Variants in INVS observed in about 807,000 individuals in gnomAD.
INVS encodes inversion of embryo turning homolog.
In INVS, 86 loss-of-function variants were observed where a neutral mutation model predicts 108.8. The observed-to-expected ratio is 0.79, with a 90% CI of 0.66 to 0.95. The LOEUF (loss-of-function observed/expected upper bound fraction) is 0.95. INVS is among the 40% of genes least tolerant of loss of function. The pLI, the probability that INVS is intolerant of heterozygous loss-of-function variation, is 0.00. For synonymous variants in INVS, 455 were observed against 473.5 expected, an observed-to-expected ratio of 0.96 and a Z score of 0.51; for missense variants, 1,169 against 1,297.4, an observed-to-expected ratio of 0.90 and a Z score of 1.52.
chr9:100,207,179 CGT>C (rs1564158450), intron 3 of INVS, among the ~76,000 whole-genome samples: 14 of 152,032 alleles, frequency 9.2e-5, no homozygotes, highest in Admixed American at 3.3e-4. Context: ...ATCCTGGAAC[CGT>C]CCAACCCACT....
chr9:100,288,737 C>A (rs1455360535), intron 13 of INVS, among the ~76,000 whole-genome samples: 1 of 152,076 alleles, frequency 6.6e-6, no homozygotes, highest in African/African-American at 2.4e-5. Context: ...CCCCCCATCT[C>A]AGCCTCCCGG....
chr9:100,288,783 G>A (rs1833526526), intron 13 of INVS, among the ~76,000 whole-genome samples: 1 of 151,968 alleles, frequency 6.6e-6, no homozygotes, highest in African/African-American at 2.4e-5. Flanking sequence ...ACCATGCCTG[G>A]CTAATTTTTT....
At chr9:100,122,292 T>C (rs1827747407) in intron 2 of INVS, among the ~76,000 whole-genome samples, 1 of 152,214 alleles carries the variant, frequency 6.6e-6, no homozygotes, top group South Asian at 2.1e-4. Flanking sequence ...ATTATAATTG[T>C]GTTTTCAAGT....
At chr9:100,178,183 A>C (rs1457000188) in intron 3 of INVS, among the ~76,000 whole-genome samples, 1 of 152,220 alleles carries the variant, frequency 6.6e-6, no homozygotes, top group African/African-American at 2.4e-5. Context: ...AAACCAATGC[A>C]AAAAGCCTGA....
At chr9:100,102,838 CT>C (rs1463203195) in intron 1 of INVS, 2 of 152,252 alleles carry the variant, frequency 1.3e-5, no homozygotes, top group African/African-American at 4.8e-5. Context: ...GATCCCATCT[CT>C]TTAAAAATAG....
intron 2 of INVS, among the ~76,000 whole-genome samples, chr9:100,110,723 CAT>C (rs1253624250): frequency 3.3e-5 from 5 of 152,104 alleles, no homozygotes; most frequent in Admixed American, 3.3e-4. Context: ...TAAGTTGAGA[CAT>C]AACAATATTC....
intron 3 of INVS, among the ~76,000 whole-genome samples, chr9:100,213,388 T>G (rs1211069540): frequency 1.3e-5 from 2 of 152,052 alleles, no homozygotes; most frequent in African/African-American, 4.8e-5. Context: ...TTTTTTTAAT[T>G]AGAGAAAGGG....
At chr9:100,223,398 T>C (rs916084138) in intron 3 of INVS, among the ~76,000 whole-genome samples, 2 of 152,154 alleles carry the variant, frequency 1.3e-5, no homozygotes, top group Non-Finnish European at 2.9e-5. Flanking sequence ...CTCCCAGGCT[T>C]GTAAATAAGA....
At chr9:100,151,543 G>A (rs896982100) in intron 3 of INVS, among the ~76,000 whole-genome samples, 5 of 152,068 alleles carry the variant, frequency 3.3e-5, no homozygotes, top group African/African-American at 9.7e-5. Context: ...GCTAAGAGAT[G>A]AAGAAAGAGA....
At chr9:100,203,631 T>C (rs1343621214) in intron 3 of INVS, among the ~76,000 whole-genome samples, 2 of 151,726 alleles carry the variant, frequency 1.3e-5, no homozygotes, top group Admixed American at 1.3e-4. Flanking sequence ...GCCTTCCAAG[T>C]AGCTGGGATT....
intron 12 of INVS, among the ~76,000 whole-genome samples, chr9:100,280,110 A>T (rs1833231024): frequency 6.6e-6 from 1 of 152,190 alleles, no homozygotes; most frequent in Non-Finnish European, 1.5e-5. Flanking sequence ...TTTTCTTGCT[A>T]AATTTTCATC....
At chr9:100,135,015 G>C (rs1017920379) in intron 3 of INVS, among the ~76,000 whole-genome samples, 1 of 152,156 alleles carries the variant, frequency 6.6e-6, no homozygotes, top group African/African-American at 2.4e-5. Context: ...TAAAAGATGG[G>C]TAATATACTG....
intron 2 of INVS, among the ~76,000 whole-genome samples, chr9:100,123,231 C>T (rs951715127): frequency 2.6e-5 from 4 of 152,162 alleles, no homozygotes; most frequent in Non-Finnish European, 4.4e-5. Flanking sequence ...CAGAGAAACC[C>T]TTCACCCTTT....
chr9:100,230,480 A>G (rs1470054181), intron 5 of INVS, among the ~76,000 whole-genome samples: 1 of 151,910 alleles, frequency 6.6e-6, no homozygotes, highest in Non-Finnish European at 1.5e-5. Context: ...GTTTTTTTGC[A>G]GTGCCCTATT....
rs1346755950 is a variant in INVS at position 100,259,860 on chromosome 9, ATTTTC to A, written c.1465-4947_1465-4943del. Among the ~76,000 whole-genome samples the A allele has an allele frequency of 2.7e-5, 4 of 146,464 alleles. No homozygotes were observed. In the Admixed American group the frequency reaches 2.7e-4, roughly 10 times the overall value. Reference sequence around the variant, plus strand: ...CCACCACACCTGACCCTATTACATGATTTTCTTTTCTTTTCTTTTTTTGTTTGTTG... The same window carrying A: ...CCACCACACCTGACCCTATTACATGATTTTCTTTTCTTTTTTTGTTTGTTG... On this transcript the variant is annotated intron_variant, in intron 10 of 16. Coordinates refer to ENST00000262457, the MANE Select transcript of INVS (RefSeq NM_014425.5).
At chr9:100,140,620 TAAAAC>T (rs1391379963) in intron 3 of INVS, among the ~76,000 whole-genome samples, 4 of 151,926 alleles carry the variant, frequency 2.6e-5, no homozygotes, top group African/African-American at 7.3e-5. Flanking sequence ...ATAAGAAAAA[TAAAAC>T]AAAATAGTGG....
intron 3 of INVS, among the ~76,000 whole-genome samples, chr9:100,168,865 C>T (rs1002500220): frequency 6.6e-6 from 1 of 152,112 alleles, no homozygotes; most frequent in Non-Finnish European, 1.5e-5. Context: ...GTGTAATATA[C>T]ACACACATTC....
chr9:100,173,684 A>G (rs909056116), intron 3 of INVS, among the ~76,000 whole-genome samples: 3 of 152,188 alleles, frequency 2.0e-5, no homozygotes, highest in African/African-American at 7.2e-5. Flanking sequence ...AGCCAAGATC[A>G]TGTCCTTGCA....
In INVS at chr9:100,302,166, T is replaced by A; in HGVS notation, c.*1492T>A. On this transcript the variant is annotated 3_prime_UTR_variant, in exon 17 of 17. Coordinates refer to ENST00000262457, the MANE Select transcript of INVS (RefSeq NM_014425.5). The stretch of plus-strand genomic sequence containing the variant: ...ATAAGATAGATGTGAATAAACAACT[T>A]CAAACAGGAGGTACTATGGCCTCTT... 2.2e-6 allele frequency: 3 copies of A among 1,388,056 alleles called. No individual in the cohort carries two copies. Among genetic ancestry groups the A allele is most frequent in the Non-Finnish European group, 3.0e-6 (3 of 1,010,632 alleles). The allele number at this position is 1,388,056 out of a possible 1,614,324, so 86.0% of individuals were successfully genotyped here. A position where few individuals can be genotyped will look rare whatever the true frequency, so the allele number is the denominator to read the frequency against.
Sources: gnomAD v4.1 joint callset for allele counts (sites outside exome capture counted in the v4.1 genomes callset) on GRCh38, gnomAD v4.1.1 for gene constraint, MANE v1.5 for transcripts, NCBI Gene and HGNC (gene_info 2026-07-23, HGNC 2026-07-21) for gene names.